Variants in FBXW7 observed in about 807,000 individuals in gnomAD.
FBXW7 encodes F-box and WD repeat domain containing 7, also known as F-box/WD repeat-containing protein 7.
FBXW7 carries 11 observed loss-of-function variants against 86.3 expected under a neutral mutation model. That is an observed-to-expected ratio of 0.13 (90% confidence interval 0.08 to 0.21). FBXW7 has a LOEUF of 0.21. FBXW7 is among the 10% of genes least tolerant of loss of function. The pLI, the probability that FBXW7 is intolerant of heterozygous loss-of-function variation, is 1.00. For missense variants in FBXW7, 488 were observed against 847.4 expected (o/e 0.58, Z 5.27); for synonymous variants, 313 against 297.9 (o/e 1.05, Z -0.52).
rs559185162 is a variant in FBXW7 at position 152,361,823 on chromosome 4, G to A, written c.502-11699C>T. Among the ~76,000 whole-genome samples the A allele has an allele frequency of 1.1e-3, 173 of 151,922 alleles. 1 individual carries two copies. Among genetic ancestry groups the A allele is most frequent in the African/African-American group, 3.9e-3 (161 of 41,448 alleles). The stretch of plus-strand genomic sequence containing the variant: ...TCTACTAAAAATACAAAAATTAGCC[G>A]GGTATGGTGGTGTGCACCTGTAATC... On this transcript the variant is annotated intron_variant, in intron 4 of 13. Transcript: ENST00000281708.
At chr4:152,368,127 T>A (rs559487676) in intron 4 of FBXW7, among the ~76,000 whole-genome samples, 6 of 152,216 alleles carry the variant, frequency 3.9e-5, no homozygotes, top group Admixed American at 3.9e-4. Context: ...TTCAAACACA[T>A]GCCCCATCTG....
intron 4 of FBXW7, among the ~76,000 whole-genome samples, chr4:152,379,442 G>A (rs1308112975): frequency 1.3e-5 from 2 of 152,082 alleles, no homozygotes; most frequent in African/African-American, 4.8e-5. Flanking sequence ...TGATATTTAT[G>A]ACCAGGAAAA....
chr4:152,450,178 C>T (rs1378997062), intron 2 of FBXW7, among the ~76,000 whole-genome samples: 2 of 152,198 alleles, frequency 1.3e-5, no homozygotes, highest in Non-Finnish European at 2.9e-5. Context: ...TATCTAAAAA[C>T]AGGCATGCAC....
At chr4:152,486,948 G>A (rs1189314909) in intron 2 of FBXW7, among the ~76,000 whole-genome samples, 5 of 152,176 alleles carry the variant, frequency 3.3e-5, no homozygotes, top group Middle Eastern at 3.4e-3. Flanking sequence ...GTCACTATGC[G>A]ATAGAAATTT....
intron 7 of FBXW7, among the ~76,000 whole-genome samples, chr4:152,333,302 T>C (rs1164357707): frequency 6.6e-6 from 1 of 152,082 alleles, no homozygotes; most frequent in Non-Finnish European, 1.5e-5. Flanking sequence ...TAAAAGTAAT[T>C]GAGTTCTGAT....
intron 2 of FBXW7, among the ~76,000 whole-genome samples, chr4:152,435,047 A>G (rs1456670104): frequency 7.6e-6 from 1 of 131,990 alleles, no homozygotes; most frequent in Non-Finnish European, 1.6e-5. Context: ...AAGGTTTGGA[A>G]ACTACTAACG....
chr4:152,467,586 G>A (rs1397987645), intron 2 of FBXW7, among the ~76,000 whole-genome samples: 1 of 152,142 alleles, frequency 6.6e-6, no homozygotes, highest in South Asian at 2.1e-4. Context: ...TAACACATGG[G>A]ATCAAAACGT....
At chr4:152,518,538 C>T (rs1748717902) in intron 2 of FBXW7, among the ~76,000 whole-genome samples, 1 of 152,160 alleles carries the variant, frequency 6.6e-6, no homozygotes, top group Non-Finnish European at 1.5e-5. Context: ...CTAAAGCAAT[C>T]CTTTTGCCTC....
At chr4:152,416,705 T>C (rs1037808822) in intron 2 of FBXW7, among the ~76,000 whole-genome samples, 1 of 152,212 alleles carries the variant, frequency 6.6e-6, no homozygotes, top group Non-Finnish European at 1.5e-5. Context: ...TAAAGTTTTA[T>C]GGATGTACAC....
At chr4:152,520,878 A>C (rs1359190949) in intron 2 of FBXW7, among the ~76,000 whole-genome samples, 1 of 152,226 alleles carries the variant, frequency 6.6e-6, no homozygotes, top group Non-Finnish European at 1.5e-5. Context: ...CAGAAGAAAA[A>C]AGTTCACATG....
intron 2 of FBXW7, among the ~76,000 whole-genome samples, chr4:152,516,695 G>A (rs886975799): frequency 3.9e-5 from 6 of 152,216 alleles, no homozygotes; most frequent in African/African-American, 1.4e-4. Flanking sequence ...CAAGATAAGC[G>A]GTAATACTAA....
chr4:152,349,755 T>A (rs974167319), intron 5 of FBXW7, among the ~76,000 whole-genome samples: 5 of 151,904 alleles, frequency 3.3e-5, no homozygotes, highest in African/African-American at 1.2e-4. Context: ...ATTCATATTT[T>A]ATGGTTTACT....
intron 2 of FBXW7, among the ~76,000 whole-genome samples, chr4:152,514,087 AAATAT>A (rs1398788629): frequency 6.6e-6 from 1 of 152,230 alleles, no homozygotes; most frequent in Non-Finnish European, 1.5e-5. Context: ...GTGTTAAATA[AAATAT>A]ATTATTAAAA....
chr4:152,377,456 A>T (rs1473453853), intron 4 of FBXW7, among the ~76,000 whole-genome samples: 1 of 152,116 alleles, frequency 6.6e-6, no homozygotes, highest in Non-Finnish European at 1.5e-5. Flanking sequence ...CAGTATGTTA[A>T]AATTCTAGTG....
At chr4:152,521,102 G>A (rs1560996132) in intron 2 of FBXW7, among the ~76,000 whole-genome samples, 1 of 152,070 alleles carries the variant, frequency 6.6e-6, no homozygotes, top group Non-Finnish European at 1.5e-5. Flanking sequence ...TCTACAATGT[G>A]GCAGGAATGT....
intron 2 of FBXW7, chr4:152,530,308 A>G (rs1199950499): frequency 1.3e-5 from 2 of 152,202 alleles, no homozygotes; most frequent in Non-Finnish European, 2.9e-5. Context: ...TAGCAGTATC[A>G]AACTTTAATG....
intron 12 of FBXW7, chr4:152,325,393 A>G (rs1260538081): frequency 6.6e-6 from 1 of 152,224 alleles, no homozygotes; most frequent in East Asian, 1.9e-4. Context: ...CTTTCTGGAA[A>G]TAAAACAAGA....
intron 2 of FBXW7, among the ~76,000 whole-genome samples, chr4:152,504,157 A>G (rs899335683): frequency 2.0e-5 from 3 of 152,194 alleles, no homozygotes; most frequent in Non-Finnish European, 4.4e-5. Flanking sequence ...TTGAAGCACC[A>G]AAGAAAGGTA....
At chr4:152,467,485 G>T (rs1743562956) in intron 2 of FBXW7, among the ~76,000 whole-genome samples, 1 of 151,972 alleles carries the variant, frequency 6.6e-6, no homozygotes, top group Admixed American at 6.6e-5. Context: ...ATTAAGGATG[G>T]CCCCTCCCTT....
Sources: gnomAD v4.1 joint callset for allele counts (sites outside exome capture counted in the v4.1 genomes callset) on GRCh38, gnomAD v4.1.1 for gene constraint, MANE v1.5 for transcripts, NCBI Gene and HGNC (gene_info 2026-07-23, HGNC 2026-07-21) for gene names.